ROCK1: variants seen among roughly 807,000 people sequenced by gnomAD.
ROCK1 encodes the protein rho-associated protein kinase 1.
ROCK1 carries 36 observed loss-of-function variants against 196.8 expected under a neutral mutation model. The observed-to-expected ratio is 0.18, with a 90% CI of 0.14 to 0.24. ROCK1 has a LOEUF of 0.24. Among genes scored for constraint, ROCK1 ranks in the 10% least tolerant of loss-of-function variants. The pLI is 1.00. For missense variants in ROCK1, 920 were observed against 1,562.0 expected, an observed-to-expected ratio of 0.59 and a Z score of 6.93; for synonymous variants, 443 against 515.9, an observed-to-expected ratio of 0.86 and a Z score of 1.91.
intron 8 of ROCK1, among the ~76,000 whole-genome samples, chr18:21,039,988 C>T (rs2036091222): frequency 6.6e-6 from 1 of 152,148 alleles, no homozygotes; most frequent in South Asian, 2.1e-4. Context: ...ACCCGGGAGG[C>T]AGAGGCTACA....
intron 16 of ROCK1, among the ~76,000 whole-genome samples, chr18:20,998,697 C>T (rs1476089612): frequency 4.0e-5 from 6 of 150,868 alleles, no homozygotes; most frequent in East Asian, 3.9e-4. Flanking sequence ...CTCCGCCTCC[C>T]GGGTTCAAGT....
At chr18:21,102,286 T>C (rs1265470371) in intron 1 of ROCK1, among the ~76,000 whole-genome samples, 1 of 152,216 alleles carries the variant, frequency 6.6e-6, no homozygotes, top group African/African-American at 2.4e-5. Context: ...CTGAAAACTA[T>C]ACACTTAATT....
At chr18:21,047,322 C>T (rs541499242) in intron 4 of ROCK1, among the ~76,000 whole-genome samples, 7 of 152,236 alleles carry the variant, frequency 4.6e-5, no homozygotes, top group Non-Finnish European at 7.4e-5. Context: ...CTACTAGCAT[C>T]CCCTGTGTAG....
At chr18:20,976,193 A>T (rs2035478923) in intron 22 of ROCK1, among the ~76,000 whole-genome samples, 1 of 152,122 alleles carries the variant, frequency 6.6e-6, no homozygotes, top group East Asian at 1.9e-4. Context: ...AACTCTCCAT[A>T]ATGAAAGACT....
At chr18:20,997,581 TAGACAGAA>T (rs1456449928) in intron 16 of ROCK1, among the ~76,000 whole-genome samples, 1 of 152,172 alleles carries the variant, frequency 6.6e-6, no homozygotes, top group East Asian at 1.9e-4. Context: ...ACAGATCACC[TAGACAGAA>T]AATCAACAAA....
intron 1 of ROCK1, among the ~76,000 whole-genome samples, chr18:21,101,565 C>G (rs1259657314): frequency 6.6e-6 from 1 of 152,106 alleles, no homozygotes; most frequent in Non-Finnish European, 1.5e-5. Context: ...AAAGAAAAAT[C>G]CAGAATGTAA....
At chr18:21,081,348 G>C (rs545922977) in intron 1 of ROCK1, among the ~76,000 whole-genome samples, 1 of 152,166 alleles carries the variant, frequency 6.6e-6, no homozygotes, top group African/African-American at 2.4e-5. Flanking sequence ...AACCTAGTAG[G>C]ATGCTGAAAA....
At chr18:21,023,040 C>T (rs1462602908) in intron 11 of ROCK1, among the ~76,000 whole-genome samples, 6 of 151,970 alleles carry the variant, frequency 3.9e-5, no homozygotes, top group Admixed American at 3.9e-4. Flanking sequence ...CTGGAATAGG[C>T]AAATTCATTG....
intron 1 of ROCK1, among the ~76,000 whole-genome samples, chr18:21,091,252 T>C (rs2036567533): frequency 6.6e-6 from 1 of 152,132 alleles, no homozygotes; most frequent in South Asian, 2.1e-4. Flanking sequence ...TTCTCTCCCT[T>C]ATGATTTTCC....
At chr18:20,960,065 A>C (rs2035312348) in intron 28 of ROCK1, 71 bp downstream of exon 28, 1 of 1,161,372 alleles carries the variant, frequency 8.6e-7, no homozygotes, top group Non-Finnish European at 1.3e-6. Context: ...AAAGTAGCTA[A>C]TATAAGTTCT....
At chr18:21,005,743 G>A (rs867713532) in intron 16 of ROCK1, among the ~76,000 whole-genome samples, 2 of 152,100 alleles carry the variant, frequency 1.3e-5, no homozygotes, top group Non-Finnish European at 2.9e-5. Flanking sequence ...TGGGCATGGT[G>A]GCATGCACCT....
chr18:21,099,386 G>T (rs576315821), intron 1 of ROCK1, among the ~76,000 whole-genome samples: 3 of 152,082 alleles, frequency 2.0e-5, no homozygotes, highest in Non-Finnish European at 4.4e-5. Flanking sequence ...AAAAGAACAG[G>T]GTAGAGAGAC....
chr18:21,054,391 T>C (rs1405781910), intron 2 of ROCK1, among the ~76,000 whole-genome samples: 3 of 152,172 alleles, frequency 2.0e-5, no homozygotes, highest in Non-Finnish European at 4.4e-5. Flanking sequence ...GGGTGAGATT[T>C]GGCCTGTGGG....
At chr18:21,109,994 T>G (rs1417329033) in intron 1 of ROCK1, among the ~76,000 whole-genome samples, 1 of 152,134 alleles carries the variant, frequency 6.6e-6, no homozygotes, top group African/African-American at 2.4e-5. Flanking sequence ...GTTCAGAAAC[T>G]CTGAACAACT....
chr18:20,980,435 C>A (rs1199389145), intron 21 of ROCK1, among the ~76,000 whole-genome samples: 1 of 151,916 alleles, frequency 6.6e-6, no homozygotes, highest in Admixed American at 6.6e-5. Flanking sequence ...AATCAATAAT[C>A]ATGGAAAAAC....
chr18:21,106,286 A>T (rs1027816241), intron 1 of ROCK1, among the ~76,000 whole-genome samples: 3 of 152,188 alleles, frequency 2.0e-5, no homozygotes, highest in Non-Finnish European at 4.4e-5. Context: ...ATGTATCTAT[A>T]ACCCTCCCAA....
At chr18:21,038,168 A>G (rs2036073356) in intron 9 of ROCK1, among the ~76,000 whole-genome samples, 1 of 152,188 alleles carries the variant, frequency 6.6e-6, no homozygotes, top group Non-Finnish European at 1.5e-5. Flanking sequence ...AAGTGTTTTG[A>G]TGTAACCATT....
chr18:20,955,930 G>A (rs2035237319), intron 29 of ROCK1, among the ~76,000 whole-genome samples: 1 of 151,984 alleles, frequency 6.6e-6, no homozygotes, highest in South Asian at 2.1e-4. Context: ...CTATGGATTA[G>A]GGAGAGGTGG....
intron 14 of ROCK1, among the ~76,000 whole-genome samples, chr18:21,006,991 GC>G (rs1195096978): frequency 1.3e-5 from 2 of 151,998 alleles, no homozygotes; most frequent in Non-Finnish European, 1.5e-5. Flanking sequence ...AATACAGAGT[GC>G]AAAAAGATTT....
Sources: gnomAD v4.1 joint callset for allele counts (sites outside exome capture counted in the v4.1 genomes callset) on GRCh38, gnomAD v4.1.1 for gene constraint, MANE v1.5 for transcripts, NCBI Gene and HGNC (gene_info 2026-07-23, HGNC 2026-07-21) for gene names.